SPRED2: variants seen among roughly 807,000 people sequenced by gnomAD.
SPRED2 encodes sprouty-related, EVH1 domain-containing protein 2.
SPRED2 carries 47 observed loss-of-function variants against 43.0 expected under a neutral mutation model. The observed-to-expected ratio is 1.09, with a 90% CI of 0.87 to 1.40. The LOEUF (loss-of-function observed/expected upper bound fraction) is 1.40, where lower values mean the gene tolerates loss of function less well. SPRED2 is among the 40% of genes most tolerant of loss of function. The pLI is 0.00. For missense variants in SPRED2, 561 were observed against 586.4 expected (o/e 0.96, Z 0.45); for synonymous variants, 225 against 225.7 (o/e 1.00, Z 0.03).
chr2:65,358,098 A>G (rs1222168055), intron 1 of SPRED2, among the ~76,000 whole-genome samples: 2 of 152,222 alleles, frequency 1.3e-5, no homozygotes, highest in African/African-American at 4.8e-5. Context: ...TGCAACTGAG[A>G]GTATACTTTG....
chr2:65,389,563 T>C (rs116801432), intron 1 of SPRED2, among the ~76,000 whole-genome samples: 241 of 152,322 alleles, frequency 1.6e-3, no homozygotes, highest in African/African-American at 5.5e-3. Flanking sequence ...ATTTCTAAGA[T>C]TTAAAAGCAA....
At chr2:65,426,059 C>T (rs1038973358) in intron 1 of SPRED2, among the ~76,000 whole-genome samples, 15 of 152,246 alleles carry the variant, frequency 9.9e-5, no homozygotes, top group Non-Finnish European at 1.5e-4. Flanking sequence ...AACCCTGCAG[C>T]TATTGAAAAT....
intron 1 of SPRED2, among the ~76,000 whole-genome samples, chr2:65,405,186 G>A (rs774428933): frequency 1.3e-5 from 2 of 152,116 alleles, no homozygotes; most frequent in Admixed American, 6.5e-5. Context: ...ACTACCCTAC[G>A]TCTCATGACC....
intron 1 of SPRED2, among the ~76,000 whole-genome samples, chr2:65,361,733 C>G (rs1218419329): frequency 6.6e-6 from 1 of 152,214 alleles, no homozygotes; most frequent in Admixed American, 6.5e-5. Flanking sequence ...TTCTTTGGAA[C>G]AGGTTCCAGC....
At chr2:65,332,220 T>C (rs565787045) in intron 3 of SPRED2, 169 bp from the exon 4 acceptor site, 16 of 481,938 alleles carry the variant, frequency 3.3e-5, no homozygotes, top group Admixed American at 7.5e-5. Flanking sequence ...TCTTCTTTAA[T>C]TGATTCTTGC....
intron 4 of SPRED2, among the ~76,000 whole-genome samples, chr2:65,324,130 C>T (rs192499563): frequency 1.3e-5 from 2 of 151,394 alleles, no homozygotes; most frequent in East Asian, 3.9e-4. Flanking sequence ...AAAGGGGGCT[C>T]AAGTTTATCA....
intron 2 of SPRED2, among the ~76,000 whole-genome samples, chr2:65,343,545 TGTG>T (rs1259228271): frequency 2.1e-4 from 32 of 152,208 alleles, no homozygotes; most frequent in Non-Finnish European, 1.3e-4. Context: ...GACATATTCT[TGTG>T]GTGTCTTTGC....
chr2:65,320,632 C>T (rs1228121182), intron 4 of SPRED2, among the ~76,000 whole-genome samples: 3 of 152,138 alleles, frequency 2.0e-5, no homozygotes, highest in African/African-American at 4.8e-5. Flanking sequence ...GCGTCCTAGC[C>T]GAGCCTGCAG....
chr2:65,391,969 C>G (rs191156738), intron 1 of SPRED2, among the ~76,000 whole-genome samples: 1 of 151,528 alleles, frequency 6.6e-6, no homozygotes, highest in Admixed American at 6.6e-5. Context: ...TTTTTGTTAG[C>G]CTGGTGTTTT....
intron 1 of SPRED2, among the ~76,000 whole-genome samples, chr2:65,345,177 A>G (rs1301173640): frequency 6.6e-6 from 1 of 152,156 alleles, no homozygotes; most frequent in Non-Finnish European, 1.5e-5. Context: ...TTCTAGGTGT[A>G]AGTACTGATA....
In SPRED2 at chr2:65,319,146, C is replaced by T. The variant is rs143990431; in HGVS notation, c.439-2263G>A. Among the ~76,000 whole-genome samples, 6 of 152,308 alleles carry T rather than the reference C, an allele frequency of 3.9e-5. No individual in the cohort carries two copies. The East Asian group carries it at 1.2e-3, about 29-fold the overall frequency. ...GCAACATAAGCATTGTTAGTTTTTA[C>T]ACCTTGGTCCACATGTGCAGCATCC... On this transcript the variant is annotated intron_variant, in intron 4 of 5. Coordinates refer to ENST00000356388, the MANE Select transcript of SPRED2 (RefSeq NM_181784.3).
chr2:65,405,925 A>G (rs1676013356), intron 1 of SPRED2, among the ~76,000 whole-genome samples: 1 of 151,734 alleles, frequency 6.6e-6, no homozygotes, highest in African/African-American at 2.4e-5. Flanking sequence ...ATTCAAACCT[A>G]TTTCTCCAAG....
intron 1 of SPRED2, among the ~76,000 whole-genome samples, chr2:65,392,525 T>C (rs1269644631): frequency 6.6e-6 from 1 of 152,108 alleles, no homozygotes; most frequent in African/African-American, 2.4e-5. Flanking sequence ...TAGAGAGGAG[T>C]TGAATATCCA....
chr2:65,390,721 T>C (rs1456817792), intron 1 of SPRED2, among the ~76,000 whole-genome samples: 1 of 152,174 alleles, frequency 6.6e-6, no homozygotes, highest in Non-Finnish European at 1.5e-5. Flanking sequence ...GTAAATGCTA[T>C]TTAAGTCTTT....
chr2:65,336,406 T>C (rs954288328), intron 2 of SPRED2, among the ~76,000 whole-genome samples: 5 of 149,284 alleles, frequency 3.3e-5, no homozygotes, highest in Admixed American at 1.4e-4. Flanking sequence ...GTCTAATGAA[T>C]GTTCCCTAAC....
chr2:65,369,625 A>G (rs887497059), intron 1 of SPRED2, among the ~76,000 whole-genome samples: 13 of 43,260 alleles, frequency 3.0e-4, no homozygotes, highest in African/African-American at 4.7e-4. Flanking sequence ...AAACAACTTA[A>G]TTATGCAATT....
chr2:65,360,999 G>A (rs1674798371), intron 1 of SPRED2, among the ~76,000 whole-genome samples: 1 of 152,188 alleles, frequency 6.6e-6, no homozygotes, highest in African/African-American at 2.4e-5. Flanking sequence ...AAGCCCAGGA[G>A]TTTGAGACCA....
At chr2:65,413,837 T>TA (rs1676216429) in intron 1 of SPRED2, among the ~76,000 whole-genome samples, 2 of 152,234 alleles carry the variant, frequency 1.3e-5, no homozygotes, top group Admixed American at 6.5e-5. Flanking sequence ...CTACTGAACA[T>TA]ACAGACTGCC....
chr2:65,419,936 G>A (rs1676380555), intron 1 of SPRED2, among the ~76,000 whole-genome samples: 2 of 152,056 alleles, frequency 1.3e-5, no homozygotes, highest in South Asian at 2.1e-4. Context: ...CAGGCCAGGC[G>A]CGGTGGCTCA....
Sources: allele counts gnomAD v4.1 joint callset (sites outside exome capture counted in the v4.1 genomes callset), GRCh38; gene constraint gnomAD v4.1.1; transcripts MANE v1.5; gene names NCBI Gene and HGNC (gene_info 2026-07-23, HGNC 2026-07-21).